Variants in AHRR observed in about 807,000 individuals in gnomAD.
AHRR encodes ahR repressor.
Under a neutral mutation model 44.0 loss-of-function variants are expected in AHRR, and 28 were observed. That is an observed-to-expected ratio of 0.64 (90% CI 0.47 to 0.87). The LOEUF (loss-of-function observed/expected upper bound fraction) is 0.87. Ranked by LOEUF, AHRR falls within the 40% of genes least tolerant of loss-of-function variation. The pLI, the probability that AHRR is intolerant of heterozygous loss-of-function variation, is 0.00. For missense variants in AHRR, 990 were observed against 953.9 expected (o/e 1.04, Z -0.50); for synonymous variants, 434 against 407.0 (o/e 1.07, Z -0.80).
At chr5:402,122 A>C (rs922121147) in intron 4 of AHRR, among the ~76,000 whole-genome samples, 1 of 152,184 alleles carries the variant, frequency 6.6e-6, no homozygotes, top group African/African-American at 2.4e-5. Flanking sequence ...AAACCCCATT[A>C]AAAACCAGGA....
chr5:394,920 G>A (rs887643136), intron 4 of AHRR, among the ~76,000 whole-genome samples: 2 of 152,230 alleles, frequency 1.3e-5, no homozygotes, highest in Admixed American at 1.3e-4. Context: ...GAGGGTGGGT[G>A]CTGGAGCTGG....
intron 2 of AHRR, among the ~76,000 whole-genome samples, chr5:344,890 G>T (rs1310415918): frequency 7.3e-6 from 1 of 136,656 alleles, no homozygotes; most frequent in East Asian, 2.3e-4. Context: ...GTGCGAAGCT[G>T]TGTGAGACTG....
At chr5:363,799 G>C (rs1034666112) in intron 3 of AHRR, among the ~76,000 whole-genome samples, 1 of 152,166 alleles carries the variant, frequency 6.6e-6, no homozygotes, top group Non-Finnish European at 1.5e-5. Context: ...GACAGACTGA[G>C]AGCACTGCCC....
At chr5:384,230 C>T (rs1734087517) in intron 4 of AHRR, among the ~76,000 whole-genome samples, 1 of 151,996 alleles carries the variant, frequency 6.6e-6, no homozygotes, top group Non-Finnish European at 1.5e-5. Flanking sequence ...TTTAGCTTAT[C>T]TATTCGCTTT....
At chr5:340,677 TATATATATATA>T (rs1435628391) in intron 1 of AHRR, among the ~76,000 whole-genome samples, 6 of 29,062 alleles carry the variant, frequency 2.1e-4, no homozygotes, top group African/African-American at 1.4e-3. Flanking sequence ...TATATATATA[TATATATATATA>T]TTTTTTTTTT....
intron 3 of AHRR, among the ~76,000 whole-genome samples, chr5:355,967 A>C (rs1215564479): frequency 6.6e-6 from 1 of 152,270 alleles, no homozygotes; most frequent in East Asian, 1.9e-4. Context: ...TATAATTAGA[A>C]ACAAGTCAAG....
Position 340,684 on chromosome 5 carries a change from ATATATTTTTTT to A in AHRR, c.-10-3207_-10-3197del, listed in dbSNP as rs1327322382. ...CAATATTATATATATATATATATAT[ATATATTTTTTT>A]TTTTTTTTTTTTTTTTTTGAGTTGG... On this transcript the variant is annotated intron_variant, in intron 1 of 10. Transcript: ENST00000684583. 2.4e-3 allele frequency among the ~76,000 whole-genome samples: 63 copies of A among 26,138 alleles called. 1 individual carries two copies. Among genetic ancestry groups the A allele is most frequent in the African/African-American group, 0.01 (38 of 3,760 alleles). The allele number at this position is 26,138 out of a possible 152,430, so 17.1% of individuals were successfully genotyped here. A position where few individuals can be genotyped will look rare whatever the true frequency, so the allele number is the denominator to read the frequency against.
intron 4 of AHRR, among the ~76,000 whole-genome samples, chr5:378,481 C>G (rs1367258739): frequency 6.6e-6 from 1 of 152,178 alleles, no homozygotes; most frequent in Non-Finnish European, 1.5e-5. Flanking sequence ...TAGAAATGAC[C>G]CCTGAGAGTG....
intron 5 of AHRR, among the ~76,000 whole-genome samples, chr5:414,134 GCA>G (rs1350054329): frequency 6.6e-6 from 1 of 152,008 alleles, no homozygotes; most frequent in East Asian, 1.9e-4. Context: ...GTGGTGGCGT[GCA>G]CCCGTAGTCC....
chr5:415,634 T>C (rs1375026312), intron 5 of AHRR, among the ~76,000 whole-genome samples: 17 of 146,124 alleles, frequency 1.2e-4, no homozygotes, highest in South Asian at 4.2e-4. Flanking sequence ...AGGGGCCGAA[T>C]CTGCCTGGTG....
chr5:373,914 G>C (rs1743673583), intron 3 of AHRR, among the ~76,000 whole-genome samples: 1 of 151,048 alleles, frequency 6.6e-6, no homozygotes, highest in African/African-American at 2.4e-5. Context: ...GGCGCCGGCG[G>C]CTGCGGGGGA....
intron 7 of AHRR, among the ~76,000 whole-genome samples, chr5:427,328 A>T (rs1736461752): frequency 6.6e-6 from 1 of 152,234 alleles, no homozygotes; most frequent in Non-Finnish European, 1.5e-5. Flanking sequence ...GATAAATAAA[A>T]TCAAGTCGTG....
chr5:376,289 G>T (rs116204830), intron 3 of AHRR, among the ~76,000 whole-genome samples: 200 of 152,286 alleles, frequency 1.3e-3, no homozygotes, highest in African/African-American at 4.3e-3. Flanking sequence ...CTGGGGGGTT[G>T]GGCAGGAGGG....
At chr5:433,728 G>C (rs1736849281) in intron 10 of AHRR, 125 bp from the exon 11 acceptor site, 1 of 1,168,200 alleles carries the variant, frequency 8.6e-7, no homozygotes, top group East Asian at 3.1e-5. Flanking sequence ...TGAGGGGTCG[G>C]TGTAGCAGCC....
intron 1 of AHRR, among the ~76,000 whole-genome samples, chr5:333,712 ATTTG>A (rs1323901800): frequency 1.3e-5 from 2 of 151,960 alleles, no homozygotes; most frequent in African/African-American, 2.4e-5. Context: ...TTTATAAGTT[ATTTG>A]TTTCTTTCTT....
rs349574 is a variant in AHRR, at chr5:429,305, T to G, written c.908+1299T>G. ...AGATCCAACTTCCTCTCAGAGAATC[T>G]TGCAGGAGTGAGGTAGGGCCGGGGC... On this transcript the variant is annotated intron_variant, in intron 8 of 10. Transcript: ENST00000684583. Among the ~76,000 whole-genome samples the G allele has an allele frequency of 8.0e-3, 1,042 of 130,400 alleles. 9 individuals are homozygous for G. The highest frequency in any genetic ancestry group is 0.013 in the Non-Finnish European group (784 of 58,292). The allele number at this position is 130,400 out of a possible 152,430, so 85.5% of individuals were successfully genotyped here.
intron 4 of AHRR, among the ~76,000 whole-genome samples, chr5:410,171 G>T (rs1418949629): frequency 2.6e-5 from 4 of 152,144 alleles, no homozygotes; most frequent in Non-Finnish European, 5.9e-5. Flanking sequence ...CTTTAGCAAG[G>T]CTAGGTCTTT....
rs1735558374 is a variant in AHRR at position 413,448 on chromosome 5, A to C, written c.441+15A>C. 1 of 1,577,194 alleles carries C rather than the reference A, an allele frequency of 6.3e-7. No homozygotes were observed. The highest frequency in any genetic ancestry group is 1.7e-5 in the Admixed American group (1 of 58,124). ...GCTTCCATCAGGTAAATGAAACCAG[A>C]ATAGCCCTCCAGTCTGTTAAGTGCT... On this transcript the variant is annotated intron_variant, in intron 5 of 10. Coordinates refer to ENST00000684583, the MANE Select transcript of AHRR (RefSeq NM_001377236.1).
rs1031277490 is a variant in AHRR, at chr5:387,889, G to A, written c.351+11173G>A. Among the ~76,000 whole-genome samples, 4 of 152,244 alleles carry A rather than the reference G, an allele frequency of 2.6e-5. No individual in the cohort carries two copies. The highest frequency in any genetic ancestry group is 2.6e-4 in the Admixed American group (4 of 15,280). ...CCAGCGCCGATGGGCTGCAAGCGAGGTGTTGGCAGGACGGGCCCCTTGACA... is the reference window on the plus strand; with the variant it reads ...CCAGCGCCGATGGGCTGCAAGCGAGATGTTGGCAGGACGGGCCCCTTGACA... On this transcript the variant is annotated intron_variant, in intron 4 of 10. Coordinates refer to ENST00000684583, the MANE Select transcript of AHRR (RefSeq NM_001377236.1). This position sits in a 1 kb window ranked among gnomAD's most constrained non-coding sequence, Gnocchi z 5.1.
Sources: allele counts gnomAD v4.1 joint callset (sites outside exome capture counted in the v4.1 genomes callset), GRCh38; gene constraint gnomAD v4.1.1; non-coding constraint Gnocchi (gnomAD v3.1); transcripts MANE v1.5; gene names NCBI Gene and HGNC (gene_info 2026-07-23, HGNC 2026-07-21).